Variants in NARS2 observed in about 807,000 individuals in gnomAD.
The protein encoded by NARS2 is asparaginyl-tRNA synthetase.
In NARS2, 60 loss-of-function variants were observed where a neutral mutation model predicts 62.9. The ratio of observed to expected loss-of-function variants is 0.95; its 90% confidence interval spans 0.77 to 1.18. NARS2 has a LOEUF of 1.18. Among genes scored for constraint, NARS2 ranks in the 50% most tolerant of loss-of-function variants. The pLI, the probability that NARS2 is intolerant of heterozygous loss-of-function variation, is 0.00. For synonymous variants in NARS2, 196 were observed against 200.0 expected, an observed-to-expected ratio of 0.98 and a Z score of 0.17; for missense variants, 619 against 576.4, an observed-to-expected ratio of 1.07 and a Z score of -0.76.
chr11:78,527,798 A>T (rs1565260154), intron 6 of NARS2, among the ~76,000 whole-genome samples: 1 of 152,326 alleles, frequency 6.6e-6, no homozygotes, highest in Non-Finnish European at 1.5e-5. Context: ...TCAGTACTTG[A>T]TGAGTCTGCA....
At chr11:78,519,585 T>C (rs924736220) in intron 6 of NARS2, among the ~76,000 whole-genome samples, 3 of 152,188 alleles carry the variant, frequency 2.0e-5, no homozygotes, top group African/African-American at 7.2e-5. Flanking sequence ...AACAGCATGA[T>C]GTAAAGACTT....
chr11:78,545,356 ATCT>A (rs1855823873), intron 5 of NARS2, among the ~76,000 whole-genome samples: 3 of 151,962 alleles, frequency 2.0e-5, no homozygotes, highest in African/African-American at 7.3e-5. Flanking sequence ...GTTCCCACTA[ATCT>A]TCCTCTCTTT....
chr11:78,517,895 T>A (rs1860971250), intron 6 of NARS2, among the ~76,000 whole-genome samples: 1 of 152,238 alleles, frequency 6.6e-6, no homozygotes, highest in South Asian at 2.1e-4. Flanking sequence ...ACTTAATTAA[T>A]ACACCCTTTA....
At position 78,552,604 on chromosome 11, in the gene NARS2, A is replaced by G. The variant is rs556322369; in HGVS notation, c.594+6935T>C. Among the ~76,000 whole-genome samples the G allele has an allele frequency of 1.1e-4, 16 of 152,308 alleles. No homozygotes were observed. In the South Asian group the frequency reaches 3.1e-3, roughly 30 times the overall value. ...TCCCTCTGCTCACTGAGATAAATGCATATTTGATTGCCTCCTTTGGTGAGG... is the reference window on the plus strand; with the variant it reads ...TCCCTCTGCTCACTGAGATAAATGCGTATTTGATTGCCTCCTTTGGTGAGG... On this transcript the variant is annotated intron_variant, in intron 5 of 13. Coordinates refer to ENST00000281038, the MANE Select transcript of NARS2 (RefSeq NM_024678.6).
chr11:78,492,081 A>C (rs1311787118), intron 7 of NARS2, among the ~76,000 whole-genome samples: 4 of 149,906 alleles, frequency 2.7e-5, no homozygotes, highest in Non-Finnish European at 4.4e-5. Flanking sequence ...AATTATGCTA[A>C]GTACTTCATA....
chr11:78,559,071 AAGGC>A (rs1253462218), intron 5 of NARS2, among the ~76,000 whole-genome samples: 1 of 152,076 alleles, frequency 6.6e-6, no homozygotes, highest in Non-Finnish European at 1.5e-5. Flanking sequence ...CTGGTAGGCC[AAGGC>A]AGGTGGATTA....
At chr11:78,448,444 C>T (rs1473146515) in intron 11 of NARS2, among the ~76,000 whole-genome samples, 2 of 151,878 alleles carry the variant, frequency 1.3e-5, no homozygotes, top group Non-Finnish European at 2.9e-5. Context: ...GCACATGCCA[C>T]CGTGCCCAGC....
At chr11:78,471,269 A>C (rs1858860297) in intron 9 of NARS2, among the ~76,000 whole-genome samples, 1 of 152,144 alleles carries the variant, frequency 6.6e-6, no homozygotes, top group Non-Finnish European at 1.5e-5. Flanking sequence ...GTAAATAGTA[A>C]ATCTTGATCT....
intron 5 of NARS2, among the ~76,000 whole-genome samples, chr11:78,531,398 A>G (rs1861473826): frequency 6.6e-6 from 1 of 152,228 alleles, no homozygotes; most frequent in Non-Finnish European, 1.5e-5. Context: ...CTATGGAACG[A>G]AACTAGAAAT....
intron 11 of NARS2, among the ~76,000 whole-genome samples, chr11:78,450,186 G>A (rs758549992): frequency 2.0e-5 from 3 of 152,074 alleles, no homozygotes; most frequent in South Asian, 2.1e-4. Flanking sequence ...CCTCATCTAC[G>A]TGGACTCTTA....
intron 11 of NARS2, among the ~76,000 whole-genome samples, chr11:78,449,514 T>G (rs1418409558): frequency 1.3e-5 from 2 of 152,118 alleles, no homozygotes; most frequent in Non-Finnish European, 2.9e-5. Flanking sequence ...CAAACTTGCC[T>G]TCCTAATTTC....
chr11:78,445,480 G>A (rs112725473), intron 11 of NARS2, among the ~76,000 whole-genome samples: 12 of 152,214 alleles, frequency 7.9e-5, no homozygotes, highest in African/African-American at 2.9e-4. Flanking sequence ...AATTAGCCAA[G>A]TGCAGTGGCG....
chr11:78,536,307 AAAG>A (rs1332569567), intron 5 of NARS2, among the ~76,000 whole-genome samples: 2 of 152,252 alleles, frequency 1.3e-5, no homozygotes, highest in African/African-American at 4.8e-5. Flanking sequence ...CTTATTAAAA[AAAG>A]AAGTTAACTG....
rs367694501 is a variant in NARS2 at position 78,478,190 on chromosome 11, GATTT to G, written c.959+244_959+247del. 4.7e-3 allele frequency among the ~76,000 whole-genome samples: 716 copies of G among 152,014 alleles called. 2 individuals are homozygous for G. The highest frequency in any genetic ancestry group is 0.017 in the African/African-American group (691 of 41,474). On this transcript the variant is annotated intron_variant, in intron 9 of 13. Transcript: ENST00000281038. Reference sequence around the variant, plus strand: ...TAGTTACTAGATTTTATCTTGCTATGATTTATTAATTTATTGATGAAACACTGAT... The same window carrying G: ...TAGTTACTAGATTTTATCTTGCTATGATTAATTTATTGATGAAACACTGAT...
intron 7 of NARS2, among the ~76,000 whole-genome samples, chr11:78,481,461 T>C (rs1434374104): frequency 6.6e-6 from 1 of 152,204 alleles, no homozygotes; most frequent in East Asian, 1.9e-4. Flanking sequence ...GATTAGATGA[T>C]ATGCCTGCAC....
intron 11 of NARS2, among the ~76,000 whole-genome samples, chr11:78,458,414 T>C (rs1029193622): frequency 1.3e-5 from 2 of 152,182 alleles, no homozygotes; most frequent in African/African-American, 2.4e-5. Context: ...ATGGTCTCAT[T>C]TTTACAGATC....
chr11:78,447,935 CA>C (rs1454143359), intron 11 of NARS2, among the ~76,000 whole-genome samples: 1 of 152,048 alleles, frequency 6.6e-6, no homozygotes, highest in Non-Finnish European at 1.5e-5. Flanking sequence ...AGTTATTAAT[CA>C]AAAGGTGCAA....
chr11:78,496,516 C>A lies in NARS2; in HGVS notation c.690-3321G>T, dbSNP rs555014055. 5.9e-5 allele frequency among the ~76,000 whole-genome samples: 9 copies of A among 152,204 alleles called. No individual in the cohort carries two copies. In the South Asian group the frequency reaches 1.9e-3, roughly 32 times the overall value. ...AAATGGTGGAAGCCAAACTCAAATC[C>A]ACATTTCTGACTCTAATGCTCATAG... On this transcript the variant is annotated intron_variant, in intron 6 of 13. Coordinates refer to ENST00000281038, the MANE Select transcript of NARS2 (RefSeq NM_024678.6).
intron 6 of NARS2, among the ~76,000 whole-genome samples, chr11:78,522,772 T>C (rs1861176905): frequency 6.6e-6 from 1 of 152,202 alleles, no homozygotes. Context: ...ATTTTTTTTA[T>C]AATGTAAGTA....
Sources: gnomAD v4.1 joint callset for allele counts (sites outside exome capture counted in the v4.1 genomes callset) on GRCh38, gnomAD v4.1.1 for gene constraint, MANE v1.5 for transcripts, NCBI Gene and HGNC (gene_info 2026-07-23, HGNC 2026-07-21) for gene names.